Variants in ZFPM1 observed in about 807,000 individuals in gnomAD.
The protein encoded by ZFPM1 is zinc finger protein, FOG family member 1.
In ZFPM1, 28 loss-of-function variants were observed where a neutral mutation model predicts 46.3. That is an observed-to-expected ratio of 0.60 (90% confidence interval 0.45 to 0.83). ZFPM1 has a LOEUF of 0.83. ZFPM1 is among the 40% of genes least tolerant of loss of function. ZFPM1 has a pLI of 0.00. For missense variants in ZFPM1, 1,878 were observed against 1,432.4 expected, an observed-to-expected ratio of 1.31 and a Z score of -5.02; for synonymous variants, 957 against 675.9, an observed-to-expected ratio of 1.42 and a Z score of -6.45.
chr16:88,523,457 C>T (rs1912057695), intron 4 of ZFPM1, among the ~76,000 whole-genome samples: 1 of 152,194 alleles, frequency 6.6e-6, no homozygotes, highest in Non-Finnish European at 1.5e-5. Context: ...GCAGTGGCTC[C>T]CAGGATGGGC....
intron 2 of ZFPM1, among the ~76,000 whole-genome samples, chr16:88,487,809 C>G (rs1344993676): frequency 6.6e-6 from 1 of 152,168 alleles, no homozygotes; most frequent in Non-Finnish European, 1.5e-5. Flanking sequence ...GGGACTTGAC[C>G]CCAGGGCTGG....
At chr16:88,520,971 G>A (rs1250826040) in intron 4 of ZFPM1, among the ~76,000 whole-genome samples, 1 of 136,748 alleles carries the variant, frequency 7.3e-6, no homozygotes, top group Non-Finnish European at 1.6e-5. Flanking sequence ...TGGACAGGTG[G>A]GTGGATGGAT....
At chr16:88,485,338 C>T (rs982976480) in intron 1 of ZFPM1, among the ~76,000 whole-genome samples, 13 of 151,862 alleles carry the variant, frequency 8.6e-5, no homozygotes, top group African/African-American at 3.1e-4. Context: ...AATCCGTGGG[C>T]GTGGTGGAGG....
At chr16:88,464,771 TGG>T (rs1908058497) in intron 1 of ZFPM1, among the ~76,000 whole-genome samples, 1 of 152,032 alleles carries the variant, frequency 6.6e-6, no homozygotes, top group Non-Finnish European at 1.5e-5. Context: ...CTGCGATAAC[TGG>T]GAAAGTTGAA....
At chr16:88,523,268 G>C (rs1177128423) in intron 4 of ZFPM1, among the ~76,000 whole-genome samples, 1 of 152,092 alleles carries the variant, frequency 6.6e-6, no homozygotes, top group Non-Finnish European at 1.5e-5. Flanking sequence ...GGCAGAGCAG[G>C]GTCAGGAAGG....
chr16:88,477,689 C>T (rs1020008726), intron 1 of ZFPM1, among the ~76,000 whole-genome samples: 1 of 152,098 alleles, frequency 6.6e-6, no homozygotes, highest in Non-Finnish European at 1.5e-5. Context: ...AGCAAGACCC[C>T]GTCTCAAAAA....
At chr16:88,468,033 C>A in intron 1 of ZFPM1, among the ~76,000 whole-genome samples, 1 of 137,550 alleles carries the variant, frequency 7.3e-6, no homozygotes, top group Non-Finnish European at 1.6e-5. Context: ...CACCCGCGAG[C>A]CCACCGCCCC....
intron 1 of ZFPM1, among the ~76,000 whole-genome samples, chr16:88,457,716 C>T (rs139493626): frequency 6.6e-6 from 1 of 152,050 alleles, no homozygotes; most frequent in Non-Finnish European, 1.5e-5. Context: ...GTCTTGAACT[C>T]CTGGGCACAA....
At chr16:88,488,247 G>A (rs542919192) in intron 2 of ZFPM1, among the ~76,000 whole-genome samples, 19 of 152,162 alleles carry the variant, frequency 1.2e-4, no homozygotes, top group Admixed American at 2.6e-4. Context: ...CCGGCTTCCC[G>A]GGGAGCCAGG....
chr16:88,533,051 TCCCGCCC>T, intron 9 of ZFPM1, 90 bp from the exon 10 acceptor site: 35 of 1,351,258 alleles, frequency 2.6e-5, no homozygotes, highest in Non-Finnish European at 3.5e-5. Flanking sequence ...TCTAAACCAC[TCCCGCCC>T]ACCCCTCCCC....
chr16:88,529,930 G>A (rs573483882), intron 6 of ZFPM1, among the ~76,000 whole-genome samples: 6 of 152,260 alleles, frequency 3.9e-5, no homozygotes, highest in East Asian at 3.9e-4. Flanking sequence ...CGGGCCGAGC[G>A]GCCAGGTCCA....
chr16:88,480,885 A>G lies in ZFPM1; in HGVS notation c.41-5054A>G, dbSNP rs992963803. On this transcript the variant is annotated intron_variant, in intron 1 of 9. Coordinates refer to ENST00000319555, the MANE Select transcript of ZFPM1 (RefSeq NM_153813.3). The surrounding 1 kb of genome is among the most constrained non-coding windows in gnomAD (Gnocchi z 4.9). Reference sequence around the variant, plus strand: ...AGACAGTCGTTCAAAGGAGCCCCCCAGCGCCTCGCCATCAAAGCCGGGAGG... The same window carrying G: ...AGACAGTCGTTCAAAGGAGCCCCCCGGCGCCTCGCCATCAAAGCCGGGAGG... 6.6e-6 allele frequency among the ~76,000 whole-genome samples: 1 copy of G among 152,184 alleles called. No individual in the cohort carries two copies. Among genetic ancestry groups the G allele is most frequent in the Non-Finnish European group, 1.5e-5 (1 of 68,040 alleles).
At chr16:88,494,679 A>G (rs1260064658) in intron 3 of ZFPM1, among the ~76,000 whole-genome samples, 2 of 151,918 alleles carry the variant, frequency 1.3e-5, no homozygotes, top group Non-Finnish European at 2.9e-5. Context: ...GCAGGGCCTG[A>G]GTGGGGGGCG....
intron 1 of ZFPM1, among the ~76,000 whole-genome samples, chr16:88,456,324 C>A (rs1031314258): frequency 7.9e-5 from 12 of 152,112 alleles, no homozygotes; most frequent in African/African-American, 2.9e-4. Context: ...AGGGTGTTTT[C>A]CCCTTGAATC....
intron 1 of ZFPM1, among the ~76,000 whole-genome samples, chr16:88,467,078 C>T (rs1908168927): frequency 6.6e-6 from 1 of 152,122 alleles, no homozygotes. Flanking sequence ...TGGCATTCTT[C>T]CTGCACGGTT....
intron 1 of ZFPM1, among the ~76,000 whole-genome samples, chr16:88,482,062 AGCTGT>A (rs1188275295): frequency 1.3e-5 from 2 of 152,224 alleles, no homozygotes; most frequent in Non-Finnish European, 2.9e-5. Flanking sequence ...AGGACGCAGC[AGCTGT>A]CAGCCTGCCT....
chr16:88,455,435 G>C (rs2142332802), intron 1 of ZFPM1, among the ~76,000 whole-genome samples: 1 of 151,912 alleles, frequency 6.6e-6, no homozygotes, highest in Non-Finnish European at 1.5e-5. Flanking sequence ...CCTCCCTGTC[G>C]CTCGCGGCCC....
At chr16:88,521,720 TCC>T (rs771720901) in intron 4 of ZFPM1, among the ~76,000 whole-genome samples, 4 of 118,266 alleles carry the variant, frequency 3.4e-5, no homozygotes, top group Non-Finnish European at 6.8e-5. Flanking sequence ...CCTGTGCTGT[TCC>T]CCCTCCCCTG....
chr16:88,480,315 C>T lies in ZFPM1; in HGVS notation c.41-5624C>T, dbSNP rs1908873866. On this transcript the variant is annotated intron_variant, in intron 1 of 9. Transcript: ENST00000319555. The surrounding 1 kb of genome is among the most constrained non-coding windows in gnomAD (Gnocchi z 4.9). ...GCTGGTCACTGCAGGATCTCTGGCA[C>T]CTCGTGAGGGTGGGGCACGCCAAGG... Among the ~76,000 whole-genome samples, 3 of 152,116 alleles carry T rather than the reference C, an allele frequency of 2.0e-5. No individual in the cohort carries two copies. The highest frequency in any genetic ancestry group is 4.1e-4 in the South Asian group (2 of 4,824).
Sources: allele counts gnomAD v4.1 joint callset (sites outside exome capture counted in the v4.1 genomes callset), GRCh38; gene constraint gnomAD v4.1.1; non-coding constraint Gnocchi (gnomAD v3.1); transcripts MANE v1.5; gene names NCBI Gene and HGNC (gene_info 2026-07-23, HGNC 2026-07-21).